PTK2B: variants seen among roughly 807,000 people sequenced by gnomAD.
PTK2B encodes protein-tyrosine kinase 2-beta.
A neutral mutation model predicts 142.9 loss-of-function variants in PTK2B; 71 were observed. That is an observed-to-expected ratio of 0.50 (90% CI 0.41 to 0.61). The LOEUF is 0.61. Ranked by LOEUF, PTK2B falls within the 20% of genes least tolerant of loss-of-function variation. The pLI, the probability that PTK2B is intolerant of heterozygous loss-of-function variation, is 0.00. For missense variants in PTK2B, 1,105 were observed against 1,320.4 expected, an observed-to-expected ratio of 0.84 and a Z score of 2.53; for synonymous variants, 519 against 503.4, an observed-to-expected ratio of 1.03 and a Z score of -0.42.
At chr8:27,399,817 G>A (rs1456012574) in intron 2 of PTK2B, among the ~76,000 whole-genome samples, 1 of 152,194 alleles carries the variant, frequency 6.6e-6, no homozygotes, top group Non-Finnish European at 1.5e-5. Flanking sequence ...AAGCCACTTA[G>A]ACTTCTAGCC....
At chr8:27,334,070 T>C (rs1803916595) in intron 1 of PTK2B, among the ~76,000 whole-genome samples, 1 of 152,160 alleles carries the variant, frequency 6.6e-6, no homozygotes, top group Admixed American at 6.5e-5. Flanking sequence ...ACGCCCCCAC[T>C]TTTTTCTGCT....
At chr8:27,422,196 G>T in intron 4 of PTK2B, 108 bp from the exon 5 acceptor site, 2 of 1,030,592 alleles carry the variant, frequency 1.9e-6, no homozygotes, top group South Asian at 1.7e-5. Context: ...TGGGGTGGGT[G>T]GCTGTCACTC....
At chr8:27,311,534 AG>A (rs1210162578) in exon 1 of PTK2B, 3 of 455,860 alleles carry the variant, frequency 6.6e-6, no homozygotes, top group African/African-American at 6.2e-5. Flanking sequence ...GTAGCACGGA[AG>A]GGTCTCCCAG....
intron 1 of PTK2B, among the ~76,000 whole-genome samples, chr8:27,360,691 CA>C (rs1190471884): frequency 1.3e-5 from 2 of 152,160 alleles, no homozygotes; most frequent in African/African-American, 2.4e-5. Context: ...TGTGAACTAC[CA>C]AATGACACGT....
At chr8:27,417,037 T>G (rs1325807207) in intron 2 of PTK2B, among the ~76,000 whole-genome samples, 2 of 152,236 alleles carry the variant, frequency 1.3e-5, no homozygotes, top group African/African-American at 4.8e-5. Flanking sequence ...CAGTTGCTCA[T>G]AAAGTCAGAC....
chr8:27,435,609 C>A, intron 13 of PTK2B, 134 bp from the exon 14 acceptor site: 1 of 1,056,700 alleles, frequency 9.5e-7, no homozygotes. Flanking sequence ...GGGCTGGGAG[C>A]CCGGGACATG....
intron 5 of PTK2B, 102 bp from the exon 6 acceptor site, chr8:27,429,991 C>A (rs1222636885): frequency 1.9e-5 from 20 of 1,044,266 alleles, no homozygotes; most frequent in Non-Finnish European, 2.7e-5. Flanking sequence ...ATGATTCCCA[C>A]GTATGGCAGG....
At chr8:27,328,588 T>C (rs1803554756) in intron 1 of PTK2B, among the ~76,000 whole-genome samples, 1 of 152,188 alleles carries the variant, frequency 6.6e-6, no homozygotes, top group South Asian at 2.1e-4. Context: ...CCAGGTGGTG[T>C]TGAGAGAGAC....
intron 1 of PTK2B, among the ~76,000 whole-genome samples, chr8:27,345,581 G>A (rs1804665489): frequency 6.6e-6 from 1 of 152,152 alleles, no homozygotes; most frequent in Non-Finnish European, 1.5e-5. Context: ...AGTGGGGTGT[G>A]GATGATTCTG....
intron 2 of PTK2B, among the ~76,000 whole-genome samples, chr8:27,404,677 C>G (rs942274426): frequency 7.9e-5 from 12 of 152,182 alleles, no homozygotes; most frequent in Non-Finnish European, 1.2e-4. Flanking sequence ...ACAATCCCTT[C>G]CAGAAATCCC....
chr8:27,346,904 T>C (rs1295613630), intron 1 of PTK2B, among the ~76,000 whole-genome samples: 1 of 152,242 alleles, frequency 6.6e-6, no homozygotes, highest in Non-Finnish European at 1.5e-5. Context: ...TAGCCCAGAA[T>C]GATGACTGTT....
rs1168792159 is a variant in PTK2B, at chr8:27,430,413, T to C, written c.664T>C (p.Leu222=). The C allele has an allele frequency of 1.2e-6, 2 of 1,614,110 alleles. No homozygotes were observed. Among genetic ancestry groups the C allele is most frequent in the South Asian group, 2.2e-5 (2 of 91,074 alleles). The stretch of plus-strand genomic sequence containing the variant: ...TTTCCCAAAGCAGATGCAGGAGAAC[T>C]TAAAGGTGAGGAAACCAATGGGCGA... ...LFFPKQMQEN[L]KPKQFRKMIQ... is the part of the protein sequence containing the mutation. Residue 222 remains leucine, a synonymous_variant, in exon 7 of 31, where the codon TTA becomes CTA. Transcript: ENST00000346049.
intron 1 of PTK2B, among the ~76,000 whole-genome samples, chr8:27,361,064 C>T (rs964429033): frequency 2.6e-5 from 4 of 152,106 alleles, no homozygotes; most frequent in Non-Finnish European, 4.4e-5. Context: ...GTGCAACCAT[C>T]ACCCGAATAC....
At chr8:27,439,710 G>T (rs557486872) in intron 20 of PTK2B, among the ~76,000 whole-genome samples, 204 of 152,274 alleles carry the variant, frequency 1.3e-3, no homozygotes, top group Middle Eastern at 3.4e-3. Context: ...GAGAGGTACA[G>T]GAAGGAGAGA....
At chr8:27,412,726 A>G (rs1809145330) in intron 2 of PTK2B, among the ~76,000 whole-genome samples, 1 of 152,322 alleles carries the variant, frequency 6.6e-6, no homozygotes, top group African/African-American at 2.4e-5. Flanking sequence ...TTCAACCCCA[A>G]GGACCTCGAG....
At chr8:27,395,314 A>C (rs1412118261) in intron 1 of PTK2B, among the ~76,000 whole-genome samples, 1 of 152,204 alleles carries the variant, frequency 6.6e-6, no homozygotes. Flanking sequence ...ACTAGGTGAG[A>C]GGAATTTTTC....
intron 4 of PTK2B, 97 bp downstream of exon 4, chr8:27,420,841 C>T (rs139824458): frequency 1.7e-6 from 2 of 1,180,380 alleles, no homozygotes; most frequent in Non-Finnish European, 2.5e-6. Context: ...AGACAAAGCC[C>T]AGATTATGGA....
intron 7 of PTK2B, 109 bp from the exon 8 acceptor site, chr8:27,430,767 C>A: frequency 6.9e-7 from 1 of 1,440,504 alleles, no homozygotes. Context: ...GGGGCAAAGG[C>A]CCTGGGGATC....
In PTK2B at chr8:27,444,207, C is replaced by G; in HGVS notation, c.2150C>G (p.Pro717Arg). 6.2e-7 allele frequency: 1 copy of G among 1,612,952 alleles called. No individual in the cohort carries two copies. The highest frequency in any genetic ancestry group is 8.5e-7 in the Non-Finnish European group (1 of 1,178,998). ...PTAFQEPPPKPSRPKYRPPPQ... is the reference protein window; with the variant it reads ...PTAFQEPPPKRSRPKYRPPPQ... ...GACCCATCTGTGTTCTCTCTCCAGC[C>G]CAGCCGACCTAAGTACAGACCCCCT... Residue 717 changes from proline to arginine, a missense_variant and splice_region_variant, in exon 23 of 31, where the codon CCC becomes CGC. Transcript: ENST00000346049.
Sources: allele counts gnomAD v4.1 joint callset (sites outside exome capture counted in the v4.1 genomes callset), GRCh38; gene constraint gnomAD v4.1.1; transcripts MANE v1.5; gene names NCBI Gene and HGNC (gene_info 2026-07-23, HGNC 2026-07-21).